The following TMEM178B variants were observed in gnomAD, a reference collection of about 807,000 sequenced individuals.
TMEM178B encodes the protein transmembrane protein 178B.
A neutral mutation model predicts 31.0 loss-of-function variants in TMEM178B; 5 were observed. The ratio of observed to expected loss-of-function variants is 0.16; its 90% CI spans 0.08 to 0.34. The LOEUF (loss-of-function observed/expected upper bound fraction) is 0.34. Among genes scored for constraint, TMEM178B ranks in the 10% least tolerant of loss-of-function variants. TMEM178B has a pLI of 1.00. For missense variants in TMEM178B, 275 were observed against 400.3 expected (o/e 0.69, Z 2.67); for synonymous variants, 164 against 164.0 (o/e 1.00, Z 0.00).
chr7:141,230,955 G>C (rs1797432333), intron 2 of TMEM178B, among the ~76,000 whole-genome samples: 1 of 152,098 alleles, frequency 6.6e-6, no homozygotes, highest in South Asian at 2.1e-4. Flanking sequence ...TCCTCCCTTG[G>C]CCTCCCACTT....
chr7:141,437,735 C>T lies in TMEM178B; in HGVS notation c.624C>T (p.Phe208=), dbSNP rs918480983. The change falls in exon 3 of 4, where the codon TTC becomes TTT. Residue 208 remains phenylalanine (F), a synonymous_variant. Coordinates refer to ENST00000565468, the MANE Select transcript of TMEM178B (RefSeq NM_001195278.2). Reference sequence around the variant, plus strand: ...TGCAGTACGTGGCAGGGCTGCTCTTCCTCATGGGAGGTAAGGCTACGGGCT... The same window carrying T: ...TGCAGTACGTGGCAGGGCTGCTCTTTCTCATGGGAGGTAAGGCTACGGGCT... The part of the protein sequence containing the change: ...GLMQYVAGLL[F]LMGGTFCIIS... The T allele has an allele frequency of 1.0e-5, 16 of 1,536,080 alleles. No homozygotes were observed. The highest frequency in any genetic ancestry group is 2.7e-5 in the African/African-American group (2 of 73,046).
At chr7:141,243,310 C>A (rs1586846139) in intron 2 of TMEM178B, among the ~76,000 whole-genome samples, 1 of 152,138 alleles carries the variant, frequency 6.6e-6, no homozygotes, top group East Asian at 1.9e-4. Context: ...TTTTTGACTC[C>A]AACCGTTAAC....
At chr7:141,139,176 G>A (rs7792252) in intron 1 of TMEM178B, among the ~76,000 whole-genome samples, 1 of 152,046 alleles carries the variant, frequency 6.6e-6, no homozygotes, top group African/African-American at 2.4e-5. Flanking sequence ...CATTTTTAAA[G>A]TTTGTTCTTT....
chr7:141,338,427 C>T (rs541250687), intron 2 of TMEM178B, among the ~76,000 whole-genome samples: 59 of 152,228 alleles, frequency 3.9e-4, no homozygotes, highest in African/African-American at 1.3e-3. Flanking sequence ...AGCTGGAGGG[C>T]ACTCTTATTC....
chr7:141,145,635 A>G (rs1267895175), intron 1 of TMEM178B, among the ~76,000 whole-genome samples: 1 of 152,238 alleles, frequency 6.6e-6, no homozygotes, highest in Non-Finnish European at 1.5e-5. Flanking sequence ...GCTCTCACAC[A>G]TGAACGTGTA....
chr7:141,118,521 T>A (rs1409107402), intron 1 of TMEM178B, among the ~76,000 whole-genome samples: 1 of 152,228 alleles, frequency 6.6e-6, no homozygotes, highest in Non-Finnish European at 1.5e-5. Flanking sequence ...GTAAGTGGTA[T>A]ACAATAGTGA....
intron 3 of TMEM178B, among the ~76,000 whole-genome samples, chr7:141,438,696 T>TAA (rs869132131): frequency 0.19 from 5,495 of 28,932 alleles, 1,182 homozygotes; most frequent in Middle Eastern, 0.23. Flanking sequence ...CCGTCTCTAC[T>TAA]AAAAAAAAAA....
chr7:141,371,495 G>A (rs896178468), intron 2 of TMEM178B, among the ~76,000 whole-genome samples: 12 of 152,106 alleles, frequency 7.9e-5, no homozygotes, highest in African/African-American at 2.4e-4. Flanking sequence ...AAAATTACCT[G>A]CCTCAAGTAT....
the TMEM178B span, among the ~76,000 whole-genome samples, chr7:141,490,762 G>GCCCC: frequency 6.6e-6 from 1 of 152,176 alleles, no homozygotes; most frequent in African/African-American, 2.4e-5. Flanking sequence ...GCATAAGGTT[G>GCCCC]CTCCCTTTCT....
chr7:141,246,169 T>C (rs1797726860), intron 2 of TMEM178B, among the ~76,000 whole-genome samples: 2 of 152,230 alleles, frequency 1.3e-5, no homozygotes, highest in Admixed American at 1.3e-4. Flanking sequence ...CCCAGACAGC[T>C]ACTGAGGACC....
intron 1 of TMEM178B, among the ~76,000 whole-genome samples, chr7:141,201,338 T>C (rs1313870294): frequency 1.3e-5 from 2 of 152,100 alleles, no homozygotes; most frequent in African/African-American, 4.8e-5. Flanking sequence ...CTGGGAAAGA[T>C]TCTCAACCGC....
intron 1 of TMEM178B, among the ~76,000 whole-genome samples, chr7:141,143,113 C>T (rs568962357): frequency 6.6e-5 from 10 of 152,158 alleles, no homozygotes; most frequent in Admixed American, 4.6e-4. Context: ...TATAGATTTT[C>T]GATTTTAGAC....
At chr7:141,387,392 A>G (rs1333069407) in intron 2 of TMEM178B, among the ~76,000 whole-genome samples, 5 of 152,216 alleles carry the variant, frequency 3.3e-5, no homozygotes, top group Non-Finnish European at 5.9e-5. Flanking sequence ...ATAGTTTGGC[A>G]TCCCCTAAAT....
chr7:141,168,885 T>C (rs1256644323), intron 1 of TMEM178B, among the ~76,000 whole-genome samples: 1 of 152,224 alleles, frequency 6.6e-6, no homozygotes, highest in African/African-American at 2.4e-5. Flanking sequence ...ATGGGATACA[T>C]GTGATATTTT....
chr7:141,306,527 T>C (rs2116450378), intron 2 of TMEM178B, among the ~76,000 whole-genome samples: 1 of 152,244 alleles, frequency 6.6e-6, no homozygotes, highest in South Asian at 2.1e-4. Flanking sequence ...ATTATTAGTA[T>C]AAGTCATTCT....
chr7:141,487,890 C>T, the TMEM178B span, among the ~76,000 whole-genome samples: 5 of 151,864 alleles, frequency 3.3e-5, no homozygotes, highest in Admixed American at 1.3e-4. Flanking sequence ...TCTTGTTCTG[C>T]GTGCTCCTTC....
intron 2 of TMEM178B, among the ~76,000 whole-genome samples, chr7:141,298,670 A>G (rs1171601505): frequency 6.6e-6 from 1 of 152,252 alleles, no homozygotes; most frequent in Non-Finnish European, 1.5e-5. Context: ...GTACTATCTC[A>G]AGGATGTCCA....
intron 2 of TMEM178B, among the ~76,000 whole-genome samples, chr7:141,403,334 T>A (rs891065218): frequency 3.9e-5 from 6 of 152,322 alleles, no homozygotes; most frequent in Admixed American, 2.6e-4. Flanking sequence ...TCAGTTTTCT[T>A]TTCTGTCAAT....
At chr7:141,353,228 T>TGACATGCAAACTTAGCCATGC (rs1416543905) in intron 2 of TMEM178B, among the ~76,000 whole-genome samples, 1 of 152,230 alleles carries the variant, frequency 6.6e-6, no homozygotes, top group Non-Finnish European at 1.5e-5. Context: ...GAATGTCCTC[T>TGACATGCAAACTTAGCCATGC]GACATGCAAA....
Sources: allele counts gnomAD v4.1 joint callset (sites outside exome capture counted in the v4.1 genomes callset), GRCh38; gene constraint gnomAD v4.1.1; transcripts MANE v1.5; gene names NCBI Gene and HGNC (gene_info 2026-07-23, HGNC 2026-07-21).